Variants in KMT2A observed in about 807,000 individuals in gnomAD.
The protein encoded by KMT2A is lysine methyltransferase 2A, also known as histone-lysine N-methyltransferase 2A.
In KMT2A, 16 loss-of-function variants were observed where a neutral mutation model predicts 345.3. The ratio of observed to expected loss-of-function variants is 0.05; its 90% CI spans 0.03 to 0.07. The LOEUF (loss-of-function observed/expected upper bound fraction) is 0.07, where lower values mean the gene tolerates loss of function less well. KMT2A is among the 10% of genes least tolerant of loss of function. KMT2A has a pLI of 1.00. For missense variants in KMT2A, 3,272 were observed against 4,841.6 expected, an observed-to-expected ratio of 0.68 and a Z score of 9.62; for synonymous variants, 1,599 against 1,778.6, an observed-to-expected ratio of 0.90 and a Z score of 2.54.
chr11:118,496,302 C>A lies in KMT2A; in HGVS notation c.5599C>A (p.Pro1867Thr). ...AGAAGACAGTCCAGAGCTGAACCCACCCCCAGGCATAGAAGACAATAGACA... is the reference window on the plus strand; with the variant it reads ...AGAAGACAGTCCAGAGCTGAACCCAACCCCAGGCATAGAAGACAATAGACA... ...SREDSPELNP[P>T]PGIEDNRQCA... Residue 1867 changes from proline (P) to threonine (T), a missense_variant, in exon 20 of 36, where the codon CCC becomes ACC. Pro to Thr is a conservative substitution (Grantham distance 38). This residue lies in a region of KMT2A where 235 missense variants were observed against 503.4 expected (regional missense o/e 0.47). Transcript: ENST00000534358. The surrounding 1 kb of genome is among the most constrained non-coding windows in gnomAD (Gnocchi z 4.7). The A allele has an allele frequency of 6.2e-7, 1 of 1,613,624 alleles. No homozygotes were observed. Among genetic ancestry groups the A allele is most frequent in the South Asian group, 1.1e-5 (1 of 91,080 alleles).
intron 3 of KMT2A, among the ~76,000 whole-genome samples, chr11:118,474,966 C>CT (rs1950008538): frequency 6.8e-6 from 1 of 147,240 alleles, no homozygotes; most frequent in East Asian, 2.0e-4. Flanking sequence ...CTCATCTCTA[C>CT]TAAAAAAAAA....
rs1950297006 is a variant in KMT2A, at chr11:118,489,890, G to A, written c.4575+3G>A. On this transcript the variant is annotated splice_donor_region_variant and intron_variant, in intron 12 of 35. Coordinates refer to ENST00000534358, the MANE Select transcript of KMT2A (RefSeq NM_001197104.2). The stretch of plus-strand genomic sequence containing the variant: ...CCACAAAGAAGAAGAAAGTCTGGGT[G>A]AGTTATACACATGATGCTCTTTTAT... The A allele has an allele frequency of 6.2e-7, 1 of 1,612,344 alleles. No individual in the cohort carries two copies. The highest frequency in any genetic ancestry group is 1.3e-5 in the African/African-American group (1 of 75,018).
In KMT2A at chr11:118,481,939, A is replaced by G. The variant is rs782782024; in HGVS notation, c.3859A>G (p.Thr1287Ala). The G allele has an allele frequency of 5.6e-6, 9 of 1,614,104 alleles. No individual in the cohort carries two copies. The highest frequency in any genetic ancestry group is 7.6e-6 in the Non-Finnish European group (9 of 1,180,042). The change falls in exon 7 of 36, where the codon ACC (threonine) becomes GCC (alanine). Residue 1287 changes from threonine (T) to alanine (A), a missense_variant. Coordinates refer to ENST00000534358, the MANE Select transcript of KMT2A (RefSeq NM_001197104.2). ...SAPGPESKQA[T>A]TPASRKSSKQ... ...CCCTGGGCCTGAATCCAAACAGGCC[A>G]CCACTCCAGCTTCCAGGAAGTCAAG... is the stretch of plus-strand genomic sequence containing the variant.
rs1555043995 is a variant in KMT2A, at chr11:118,496,447, T to C, written c.5664+80T>C. 2.2e-6 allele frequency: 2 copies of C among 905,866 alleles called. No individual in the cohort carries two copies. Among genetic ancestry groups the C allele is most frequent in the African/African-American group, 3.3e-5 (2 of 60,718 alleles). The allele number at this position is 905,866 out of a possible 1,614,324, so 56.1% of individuals were successfully genotyped here. ...TGTCCTTGTGTCCATACTTGATGAC[T>C]GGGTGCCATTTATTTAATGAACTTA... On this transcript the variant is annotated intron_variant, in intron 20 of 35. Coordinates refer to ENST00000534358, the MANE Select transcript of KMT2A (RefSeq NM_001197104.2). The surrounding 1 kb of genome is among the most constrained non-coding windows in gnomAD (Gnocchi z 4.7).
Position 118,520,117 on chromosome 11 carries a change from C to A in KMT2A, c.11429+53C>A. The A allele has an allele frequency of 8.6e-7, 1 of 1,161,318 alleles. No individual in the cohort carries two copies. The highest frequency in any genetic ancestry group is 1.3e-6 in the Non-Finnish European group (1 of 779,568). 71.9% of individuals were successfully genotyped at this position (1,161,318 alleles called of 1,614,324 possible). On this transcript the variant is annotated intron_variant, in intron 33 of 35. Transcript: ENST00000534358. This position sits in a 1 kb window ranked among gnomAD's most constrained non-coding sequence, Gnocchi z 4.3. ...AGAAACTGCTTTCCCTCTCCTCCAG[C>A]TGGTCAGGGCACTACGTAGGAATTT...
chr11:118,437,119 G>A (rs1386323594), intron 1 of KMT2A, among the ~76,000 whole-genome samples, 175 bp downstream of exon 1: 8 of 144,296 alleles, frequency 5.5e-5, no homozygotes, highest in Non-Finnish European at 1.1e-4. Flanking sequence ...ACCCCCAGGC[G>A]CCCCCACCCC....
chr11:118,506,596 T>A lies in KMT2A; in HGVS notation c.10704T>A (p.Ser3568=). ...TTTCCCATTTGCGGACCAGTTCTTC[T>A]GAAGCACACATTCCAGACCAAGAAA... is the stretch of plus-strand genomic sequence containing the variant. ...HKVSHLRTSS[S]EAHIPDQETT... The change falls in exon 27 of 36, where the codon TCT becomes TCA. Residue 3568 remains serine, a synonymous_variant. Transcript: ENST00000534358. 6.2e-7 allele frequency: 1 copy of A among 1,613,688 alleles called. No homozygotes were observed. The highest frequency in any genetic ancestry group is 8.5e-7 in the Non-Finnish European group (1 of 1,179,712).
At chr11:118,464,325 G>A (rs949392858) in intron 1 of KMT2A, among the ~76,000 whole-genome samples, 3 of 152,070 alleles carry the variant, frequency 2.0e-5, no homozygotes, top group Non-Finnish European at 4.4e-5. Context: ...CACCTGAGGT[G>A]AGGAGTTCGA....
chr11:118,445,226 C>T lies in KMT2A; in HGVS notation c.432+8282C>T, dbSNP rs924975009. Among the ~76,000 whole-genome samples, 4 of 152,092 alleles carry T rather than the reference C, an allele frequency of 2.6e-5. No homozygotes were observed. The East Asian group carries it at 5.8e-4, about 22-fold the overall frequency. The stretch of plus-strand genomic sequence containing the variant: ...GGAACCAAATTGAAGGCCAGCCACC[C>T]GTCTTGGTAACAACATTAGTGTCCA... On this transcript the variant is annotated intron_variant, in intron 1 of 35. Coordinates refer to ENST00000534358, the MANE Select transcript of KMT2A (RefSeq NM_001197104.2).
chr11:118,503,836 T>C lies in KMT2A; in HGVS notation c.7944T>C (p.Ile2648=), dbSNP rs1555046894. 1.9e-6 allele frequency: 3 copies of C among 1,614,162 alleles called. No individual in the cohort carries two copies. The highest frequency in any genetic ancestry group is 2.2e-5 in the East Asian group (1 of 44,888). The part of the protein sequence containing the change: ...YGVRSYGEED[I]PFYSSSTGKK... ...TAAGATCCTATGGTGAAGAAGACAT[T>C]CCATTCTACAGCAGCTCAACTGGGA... The change falls in exon 27 of 36, where the codon ATT becomes ATC. Residue 2648 remains isoleucine (I), a synonymous_variant. Transcript: ENST00000534358. This position sits in a 1 kb window ranked among gnomAD's most constrained non-coding sequence, Gnocchi z 5.3.
chr11:118,519,601 G>A lies in KMT2A; in HGVS notation c.11147-17G>A, dbSNP rs1555052785. 6.2e-7 allele frequency: 1 copy of A among 1,604,360 alleles called. No individual in the cohort carries two copies. The highest frequency in any genetic ancestry group is 1.7e-5 in the Admixed American group (1 of 59,888). On this transcript the variant is annotated splice_polypyrimidine_tract_variant and intron_variant, in intron 31 of 35. Coordinates refer to ENST00000534358, the MANE Select transcript of KMT2A (RefSeq NM_001197104.2). ...TGACTGCGCTCCTCACTTCCCTGGT[G>A]CTTCTGATTCTTCTAGGTGTTAACG... is the stretch of plus-strand genomic sequence containing the variant.
rs1950577872 is a variant in KMT2A, at chr11:118,506,114, A to T, written c.10222A>T (p.Met3408Leu). The T allele has an allele frequency of 6.2e-7, 1 of 1,614,072 alleles. No individual in the cohort carries two copies. The highest frequency in any genetic ancestry group is 1.7e-5 in the Admixed American group (1 of 60,004). Residue 3408 changes from methionine (M) to leucine (L), a missense_variant, in exon 27 of 36, where the codon ATG becomes TTG. This residue lies in a region of KMT2A where 748 missense variants were observed against 922.2 expected (regional missense o/e 0.81). Coordinates refer to ENST00000534358, the MANE Select transcript of KMT2A (RefSeq NM_001197104.2). ...TGTGGCTTTACCGCCAAGTTCAGGA[A>T]TGTTTCCACAACTGGGGACATCACA... ...QPVALPPSSG[M>L]FPQLGTSQTP...
chr11:118,525,029 T>C lies in KMT2A; in HGVS notation c.*2857T>C, dbSNP rs781996718. The C allele has an allele frequency of 1.1e-4, 23 of 213,616 alleles. No homozygotes were observed. Among genetic ancestry groups the C allele is most frequent in the Admixed American group, 3.5e-4 (6 of 17,040 alleles). The allele number at this position is 213,616 out of a possible 1,614,324, so 13.2% of individuals were successfully genotyped here. ...CTCTTCTAGCTCAGCCTTGAGTCCA[T>C]TGCCAAATTTTCAGCACACCTGCCA... On this transcript the variant is annotated 3_prime_UTR_variant, in exon 36 of 36. Coordinates refer to ENST00000534358, the MANE Select transcript of KMT2A (RefSeq NM_001197104.2).
intron 2 of KMT2A, among the ~76,000 whole-genome samples, chr11:118,469,651 C>T (rs1949909306): frequency 6.6e-5 from 10 of 152,150 alleles, no homozygotes; most frequent in Admixed American, 6.5e-4. Flanking sequence ...AAAATGCATT[C>T]CCCATCTGTG....
Position 118,503,223 on chromosome 11 carries a change from A to G in KMT2A, c.7331A>G (p.His2444Arg), listed in dbSNP as rs1555046515. Residue 2444 changes from histidine (H) to arginine (R), a missense_variant, in exon 27 of 36, where the codon CAT (histidine) becomes CGT (arginine). Physicochemically the swap from His to Arg is conservative, Grantham distance 29. Around this residue, in one of 27 missense-constraint regions of KMT2A, gnomAD observed 445 missense variants for 500.9 expected, o/e 0.89. Transcript: ENST00000534358. The surrounding 1 kb of genome is among the most constrained non-coding windows in gnomAD (Gnocchi z 5.3). ...KSCKETFKEK[H>R]SSKSFLEPGQ... ...TGTAAAGAAACTTTCAAAGAAAAGC[A>G]TTCCAGTAAATCTTTTTTGGAACCT... The G allele has an allele frequency of 6.2e-7, 1 of 1,614,114 alleles. No individual in the cohort carries two copies. The highest frequency in any genetic ancestry group is 1.1e-5 in the South Asian group (1 of 91,082).
In KMT2A at chr11:118,436,818, G is replaced by A. The variant is rs2134154574; in HGVS notation, c.306G>A (p.Gly102=). Residue 102 remains glycine (G), a synonymous_variant, in exon 1 of 36, where the codon GGG becomes GGA. Coordinates refer to ENST00000534358, the MANE Select transcript of KMT2A (RefSeq NM_001197104.2). The surrounding 1 kb of genome is among the most constrained non-coding windows in gnomAD (Gnocchi z 6.9). ...CGTCATCGTCCTCAGCCTCTTCAGGGCCGGCCCTGCTCCGGGTGGGCCCGG... is the reference window on the plus strand; with the variant it reads ...CGTCATCGTCCTCAGCCTCTTCAGGACCGGCCCTGCTCCGGGTGGGCCCGG... ...SSSSSSSASS[G]PALLRVGPGF... 1 of 1,608,764 alleles carries A rather than the reference G, an allele frequency of 6.2e-7. No homozygotes were observed. The highest frequency in any genetic ancestry group is 8.5e-7 in the Non-Finnish European group (1 of 1,177,978).
At chr11:118,463,199 C>A (rs1949780097) in intron 1 of KMT2A, among the ~76,000 whole-genome samples, 1 of 151,720 alleles carries the variant, frequency 6.6e-6, no homozygotes, top group Non-Finnish European at 1.5e-5. Flanking sequence ...GTCAAGCAAT[C>A]CTCCTACCTT....
At chr11:118,483,510 G>A (rs1459119909) in intron 8 of KMT2A, among the ~76,000 whole-genome samples, 1 of 152,170 alleles carries the variant, frequency 6.6e-6, no homozygotes, top group Non-Finnish European at 1.5e-5. Context: ...TCCAGCTTGG[G>A]TGACACCGAG....
Position 118,478,201 on chromosome 11 carries a change from A to G in KMT2A, c.3569A>G (p.Lys1190Arg). 1 of 1,609,966 alleles carries G rather than the reference A, an allele frequency of 6.2e-7. No individual in the cohort carries two copies. The highest frequency in any genetic ancestry group is 8.5e-7 in the Non-Finnish European group (1 of 1,176,564). ...CGCAATATAAAGAAGCAGTGCTGCA[A>G]GTAAGTGGGTGTTTCACTCTGAGAT... is the stretch of plus-strand genomic sequence containing the variant. ...GGRNIKKQCC[K>R]MRKCQNLQWM... The change falls in exon 5 of 36, where the codon AAG becomes AGG. Residue 1190 changes from lysine to arginine, a missense_variant and splice_region_variant. By Grantham distance (26) the Lys-to-Arg change is conservative. Coordinates refer to ENST00000534358, the MANE Select transcript of KMT2A (RefSeq NM_001197104.2).
Sources: gnomAD v4.1 joint callset for allele counts (sites outside exome capture counted in the v4.1 genomes callset) on GRCh38, gnomAD v4.1.1 for gene constraint, gnomAD v4.1.1 regional missense constraint, Gnocchi (gnomAD v3.1) non-coding constraint, MANE v1.5 for transcripts, NCBI Gene and HGNC (gene_info 2026-07-23, HGNC 2026-07-21) for gene names.